Variants in LTBP1 observed in about 807,000 individuals in gnomAD.
LTBP1 encodes latent-transforming growth factor beta-binding protein 1.
A neutral mutation model predicts 207.6 loss-of-function variants in LTBP1; 129 were observed. That is an observed-to-expected ratio of 0.62 (90% CI 0.54 to 0.72). The LOEUF (loss-of-function observed/expected upper bound fraction) is 0.72, where lower values mean the gene tolerates loss of function less well. Ranked by LOEUF, LTBP1 falls within the 30% of genes least tolerant of loss-of-function variation. The pLI is 0.00. For missense variants in LTBP1, 2,281 were observed against 2,217.2 expected (o/e 1.03, Z -0.58); for synonymous variants, 963 against 833.7 (o/e 1.16, Z -2.67).
chr2:33,249,927 A>G (rs893805446), intron 10 of LTBP1, among the ~76,000 whole-genome samples: 7 of 152,248 alleles, frequency 4.6e-5, no homozygotes, highest in African/African-American at 1.4e-4. Flanking sequence ...TTAGTACAGC[A>G]TAAAACCTTA....
chr2:33,190,373 G>T (rs768129561), intron 7 of LTBP1, among the ~76,000 whole-genome samples: 7 of 152,162 alleles, frequency 4.6e-5, no homozygotes, highest in Non-Finnish European at 1.0e-4. Context: ...AAATACTTGG[G>T]AGTAATAGAA....
chr2:33,285,331 C>T (rs755413221), intron 19 of LTBP1, among the ~76,000 whole-genome samples: 7 of 151,922 alleles, frequency 4.6e-5, no homozygotes, highest in African/African-American at 1.7e-4. Context: ...GGTAAGCCAC[C>T]GTGCCCGGGT....
chr2:33,120,086 C>A (rs2081014850), intron 4 of LTBP1, among the ~76,000 whole-genome samples: 1 of 149,674 alleles, frequency 6.7e-6, no homozygotes, highest in Admixed American at 6.6e-5. Flanking sequence ...TATATTAATT[C>A]TTCTGACAAG....
chr2:33,081,580 G>T (rs575125285), intron 3 of LTBP1, among the ~76,000 whole-genome samples: 7 of 152,248 alleles, frequency 4.6e-5, no homozygotes, highest in Admixed American at 3.3e-4. Flanking sequence ...ACCTGGATTT[G>T]TTAGCACGTT....
intron 2 of LTBP1, among the ~76,000 whole-genome samples, chr2:33,017,351 T>C (rs1573110239): frequency 6.6e-6 from 1 of 152,212 alleles, no homozygotes; most frequent in East Asian, 1.9e-4. Context: ...ATGTTGTGTG[T>C]CAGTGATTCT....
At position 33,103,188 on chromosome 2, in the gene LTBP1, C is replaced by G. The variant is rs117267463; in HGVS notation, c.864-7394C>G. Among the ~76,000 whole-genome samples, 60 of 152,236 alleles carry G rather than the reference C, an allele frequency of 3.9e-4. No individual in the cohort carries two copies. The East Asian group carries it at 0.011, about 29-fold the overall frequency. ...GTATGCATAGTCTGTATGCTGTATG[C>G]ACTGTCTGTATGCAGTCTCTATGTT... On this transcript the variant is annotated intron_variant, in intron 3 of 33. Coordinates refer to ENST00000404816, the MANE Select transcript of LTBP1 (RefSeq NM_206943.4).
chr2:33,115,893 G>T (rs2080720708), intron 4 of LTBP1, among the ~76,000 whole-genome samples: 1 of 152,150 alleles, frequency 6.6e-6, no homozygotes, highest in Non-Finnish European at 1.5e-5. Flanking sequence ...GTCCTTGAGG[G>T]TATAATAAGT....
intron 5 of LTBP1, among the ~76,000 whole-genome samples, chr2:33,166,952 C>T (rs1000098042): frequency 6.6e-6 from 1 of 152,108 alleles, no homozygotes; most frequent in African/African-American, 2.4e-5. Context: ...TTAACCAACA[C>T]CCTCTACTCC....
chr2:33,187,867 T>C (rs997457837), intron 6 of LTBP1, among the ~76,000 whole-genome samples: 1 of 152,230 alleles, frequency 6.6e-6, no homozygotes, highest in South Asian at 2.1e-4. Flanking sequence ...AATAGAAACA[T>C]GTAAATCCTA....
chr2:33,190,996 A>G (rs770709928), intron 7 of LTBP1, among the ~76,000 whole-genome samples: 6 of 152,194 alleles, frequency 3.9e-5, no homozygotes, highest in Non-Finnish European at 7.3e-5. Flanking sequence ...AACTTTATAC[A>G]CTTCACAGCT....
intron 5 of LTBP1, among the ~76,000 whole-genome samples, chr2:33,172,465 A>G (rs867188075): frequency 1.2e-4 from 19 of 152,348 alleles, no homozygotes; most frequent in African/African-American, 4.3e-4. Flanking sequence ...TATCCTAAAT[A>G]TATATGCACC....
At chr2:33,186,047 A>G (rs964847843) in intron 5 of LTBP1, among the ~76,000 whole-genome samples, 9 of 152,210 alleles carry the variant, frequency 5.9e-5, no homozygotes, top group Non-Finnish European at 1.2e-4. Context: ...CTGTCCTGTT[A>G]CCTTTCAGTA....
chr2:33,231,046 GGGC>G (rs2091757497), intron 9 of LTBP1, among the ~76,000 whole-genome samples: 1 of 152,070 alleles, frequency 6.6e-6, no homozygotes, highest in South Asian at 2.1e-4. Context: ...TTAATCGCTG[GGGC>G]ACTCCTAGCT....
At chr2:33,102,575 C>G (rs913238682) in intron 3 of LTBP1, among the ~76,000 whole-genome samples, 1 of 152,168 alleles carries the variant, frequency 6.6e-6, no homozygotes, top group South Asian at 2.1e-4. Flanking sequence ...TCCCTTTTGT[C>G]TCTTTCATCT....
intron 7 of LTBP1, among the ~76,000 whole-genome samples, chr2:33,200,505 C>G (rs1007451056): frequency 8.5e-5 from 13 of 152,250 alleles, no homozygotes; most frequent in African/African-American, 2.6e-4. Flanking sequence ...AAACGTTAGA[C>G]CTAAAACCAT....
intron 4 of LTBP1, among the ~76,000 whole-genome samples, chr2:33,120,887 A>G (rs889486818): frequency 6.6e-6 from 1 of 152,226 alleles, no homozygotes; most frequent in Non-Finnish European, 1.5e-5. Context: ...GTACTATGCT[A>G]TTAAAAGACT....
chr2:33,032,992 G>A (rs2075756319), intron 3 of LTBP1, among the ~76,000 whole-genome samples: 1 of 152,124 alleles, frequency 6.6e-6, no homozygotes, highest in East Asian at 1.9e-4. Context: ...TCAGCTTTAT[G>A]TTCAAATAAT....
intron 9 of LTBP1, among the ~76,000 whole-genome samples, chr2:33,230,357 C>T (rs939787852): frequency 1.3e-5 from 2 of 152,130 alleles, no homozygotes; most frequent in Non-Finnish European, 2.9e-5. Flanking sequence ...TAATTGCCCT[C>T]AAAGTTGTTT....
intron 3 of LTBP1, among the ~76,000 whole-genome samples, chr2:33,023,618 C>A (rs1194884998): frequency 1.3e-5 from 2 of 152,084 alleles, no homozygotes; most frequent in Non-Finnish European, 2.9e-5. Flanking sequence ...GAAGAGATGG[C>A]CTTGGGTGCC....
Sources: gnomAD v4.1 joint callset for allele counts (sites outside exome capture counted in the v4.1 genomes callset) on GRCh38, gnomAD v4.1.1 for gene constraint, MANE v1.5 for transcripts, NCBI Gene and HGNC (gene_info 2026-07-23, HGNC 2026-07-21) for gene names.